Variants in WWOX observed in about 807,000 individuals in gnomAD.
WWOX encodes WW domain-containing oxidoreductase.
Under a neutral mutation model 46.2 loss-of-function variants are expected in WWOX, and 69 were observed. That is an observed-to-expected ratio of 1.49 (90% CI 1.23 to 1.82). The LOEUF is 1.82. Among genes scored for constraint, WWOX ranks in the 40% most tolerant of loss-of-function variants. The pLI is 0.00. For missense variants in WWOX, 919 were observed against 542.6 expected (o/e 1.69, Z -6.89); for synonymous variants, 359 against 202.6 (o/e 1.77, Z -6.56).
intron 8 of WWOX, among the ~76,000 whole-genome samples, chr16:78,676,579 A>G (rs535403826): frequency 2.6e-4 from 39 of 152,230 alleles, no homozygotes; most frequent in African/African-American, 9.1e-4. Context: ...TCAGGATGAA[A>G]TATCGGGCAC....
chr16:78,866,404 G>C (rs1329845111), intron 8 of WWOX, among the ~76,000 whole-genome samples: 1 of 151,662 alleles, frequency 6.6e-6, no homozygotes, highest in Non-Finnish European at 1.5e-5. Context: ...AGCAAGGGAA[G>C]AAATCATTGA....
intron 8 of WWOX, among the ~76,000 whole-genome samples, chr16:79,096,908 G>A (rs2049086076): frequency 6.6e-6 from 1 of 152,142 alleles, no homozygotes; most frequent in Non-Finnish European, 1.5e-5. Context: ...CTGGGGAGAA[G>A]AAAGGATCAG....
At chr16:78,865,300 C>T (rs2043979970) in intron 8 of WWOX, among the ~76,000 whole-genome samples, 1 of 151,922 alleles carries the variant, frequency 6.6e-6, no homozygotes, top group Non-Finnish European at 1.5e-5. Context: ...TTGCCAATCT[C>T]ATAAATAATG....
chr16:78,418,271 G>T (rs370280767), intron 6 of WWOX, among the ~76,000 whole-genome samples: 1 of 152,070 alleles, frequency 6.6e-6, no homozygotes, highest in East Asian at 1.9e-4. Flanking sequence ...GGCTGAGGCA[G>T]GAGAATGGCG....
intron 8 of WWOX, among the ~76,000 whole-genome samples, chr16:79,154,779 A>G (rs1385510291): frequency 2.0e-5 from 3 of 152,162 alleles, no homozygotes; most frequent in East Asian, 1.9e-4. Flanking sequence ...GAAGATAACC[A>G]TTTTTTAGGT....
intron 8 of WWOX, among the ~76,000 whole-genome samples, chr16:78,886,876 C>G (rs1353613624): frequency 6.6e-6 from 1 of 152,036 alleles, no homozygotes; most frequent in South Asian, 2.1e-4. Flanking sequence ...TTGTGATGCA[C>G]AGATACAGGG....
chr16:78,774,414 A>C (rs1453074631), intron 8 of WWOX, among the ~76,000 whole-genome samples: 2 of 151,902 alleles, frequency 1.3e-5, no homozygotes, highest in African/African-American at 2.4e-5. Flanking sequence ...AAAAAGAAAG[A>C]GTTCTGAATG....
intron 8 of WWOX, among the ~76,000 whole-genome samples, chr16:78,918,672 C>G (rs1297242164): frequency 6.6e-6 from 1 of 152,166 alleles, no homozygotes; most frequent in Non-Finnish European, 1.5e-5. Context: ...CAGCTCCATC[C>G]TGAAAGCACT....
At chr16:78,809,179 A>G (rs893460564) in intron 8 of WWOX, among the ~76,000 whole-genome samples, 6 of 152,034 alleles carry the variant, frequency 3.9e-5, no homozygotes, top group African/African-American at 1.4e-4. Context: ...AACTTGTGCA[A>G]ATGTTTCTCC....
At chr16:79,042,842 A>ATTATAGC (rs2047998493) in intron 8 of WWOX, among the ~76,000 whole-genome samples, 1 of 152,084 alleles carries the variant, frequency 6.6e-6, no homozygotes, top group African/African-American at 2.4e-5. Context: ...GAAACCCAGA[A>ATTATAGC]TTATAGCTCA....
intron 8 of WWOX, among the ~76,000 whole-genome samples, chr16:78,504,695 T>A (rs1005144856): frequency 1.3e-5 from 2 of 152,140 alleles, no homozygotes; most frequent in African/African-American, 4.8e-5. Flanking sequence ...GATGGGAGAA[T>A]TAATTCCAGT....
chr16:79,148,663 C>T (rs550020469), intron 8 of WWOX, among the ~76,000 whole-genome samples: 73 of 152,198 alleles, frequency 4.8e-4, no homozygotes, highest in African/African-American at 1.6e-3. Context: ...TAGATCAATT[C>T]GGGAGAATTG....
intron 8 of WWOX, among the ~76,000 whole-genome samples, chr16:79,121,254 CCA>C (rs2049625259): frequency 6.6e-6 from 1 of 152,180 alleles, no homozygotes. Flanking sequence ...TTTCTGCCTA[CCA>C]CAGATACTGA....
chr16:78,794,100 A>G (rs779405025), intron 8 of WWOX, among the ~76,000 whole-genome samples: 1 of 152,000 alleles, frequency 6.6e-6, no homozygotes, highest in Non-Finnish European at 1.5e-5. Flanking sequence ...GTCTTTTGGG[A>G]GATGATTTGG....
intron 8 of WWOX, among the ~76,000 whole-genome samples, chr16:78,559,346 G>C (rs2044378553): frequency 6.6e-6 from 1 of 152,170 alleles, no homozygotes; most frequent in South Asian, 2.1e-4. Context: ...AATAGTCCCG[G>C]CAAGAGATCA....
intron 8 of WWOX, among the ~76,000 whole-genome samples, chr16:78,462,568 C>A (rs539664337): frequency 6.6e-6 from 1 of 152,172 alleles, no homozygotes; most frequent in African/African-American, 2.4e-5. Flanking sequence ...TGACAGCCGC[C>A]GTGCTGAGCG....
intron 8 of WWOX, among the ~76,000 whole-genome samples, chr16:78,739,763 A>T (rs905110541): frequency 1.3e-5 from 2 of 152,178 alleles, no homozygotes; most frequent in Admixed American, 6.5e-5. Flanking sequence ...GTGAGCCGAG[A>T]TCGTACCATT....
intron 8 of WWOX, among the ~76,000 whole-genome samples, chr16:78,661,290 A>T (rs2142172193): frequency 6.6e-6 from 1 of 152,304 alleles, no homozygotes; most frequent in African/African-American, 2.4e-5. Flanking sequence ...GACAGGTCCC[A>T]CAAGTCAGCA....
intron 8 of WWOX, among the ~76,000 whole-genome samples, chr16:78,746,752 T>C (rs993967805): frequency 1.3e-5 from 2 of 152,116 alleles, no homozygotes; most frequent in Non-Finnish European, 2.9e-5. Context: ...GACCTGAATC[T>C]GACTTATACC....
Sources: gnomAD v4.1 joint callset for allele counts (sites outside exome capture counted in the v4.1 genomes callset) on GRCh38, gnomAD v4.1.1 for gene constraint, MANE v1.5 for transcripts, NCBI Gene and HGNC (gene_info 2026-07-23, HGNC 2026-07-21) for gene names.